RGS6: variants seen among roughly 807,000 people sequenced by gnomAD.
RGS6 encodes regulator of G protein signaling 6, also known as regulator of G-protein signaling 6.
Under a neutral mutation model 78.5 loss-of-function variants are expected in RGS6, and 30 were observed. The ratio of observed to expected loss-of-function variants is 0.38; its 90% CI spans 0.29 to 0.52. RGS6 has a LOEUF of 0.52. Ranked by LOEUF, RGS6 falls within the 20% of genes least tolerant of loss-of-function variation. The pLI, the probability that RGS6 is intolerant of heterozygous loss-of-function variation, is 0.85. For synonymous variants in RGS6, 206 were observed against 206.0 expected, an observed-to-expected ratio of 1.00 and a Z score of 0.00; for missense variants, 495 against 609.7, an observed-to-expected ratio of 0.81 and a Z score of 1.98.
the RGS6 span, among the ~76,000 whole-genome samples, chr14:72,619,537 C>T: frequency 1.7e-4 from 26 of 152,204 alleles, no homozygotes; most frequent in Non-Finnish European, 3.2e-4. Context: ...AAAGCAGGTG[C>T]TCAGAGGAGA....
intron 2 of RGS6, among the ~76,000 whole-genome samples, chr14:72,083,746 A>C (rs573545037): frequency 2.6e-5 from 4 of 152,168 alleles, no homozygotes; most frequent in Non-Finnish European, 5.9e-5. Flanking sequence ...AATTCTAATG[A>C]ATTTGAGAAG....
chr14:72,197,739 G>A (rs977348022), intron 2 of RGS6, among the ~76,000 whole-genome samples: 2 of 152,014 alleles, frequency 1.3e-5, no homozygotes, highest in African/African-American at 4.8e-5. Flanking sequence ...GAGGTCAGCT[G>A]GTGTCCCCCT....
chr14:72,044,928 C>T (rs947139408), intron 2 of RGS6, among the ~76,000 whole-genome samples: 1 of 152,190 alleles, frequency 6.6e-6, no homozygotes, highest in Non-Finnish European at 1.5e-5. Context: ...AGGTTCTCCA[C>T]CCTAGGGATT....
At chr14:72,186,212 C>T (rs2238251) in intron 2 of RGS6, among the ~76,000 whole-genome samples, 19,792 of 152,204 alleles carry the variant, frequency 0.13, 1,521 homozygotes, top group South Asian at 0.2. Context: ...TTCTCTCTCA[C>T]TAAACTGAGT....
intron 2 of RGS6, among the ~76,000 whole-genome samples, chr14:72,093,033 AGTGTGT>A (rs10567555): frequency 1.2e-3 from 178 of 149,504 alleles, no homozygotes; most frequent in Middle Eastern, 6.9e-3. Context: ...ACATACCAAA[AGTGTGT>A]GTGTGTGTGT....
intron 2 of RGS6, among the ~76,000 whole-genome samples, chr14:71,993,661 C>T (rs1161756665): frequency 6.6e-6 from 1 of 152,118 alleles, no homozygotes; most frequent in Non-Finnish European, 1.5e-5. Flanking sequence ...GTGAGTCTTA[C>T]AGGTTTATTA....
chr14:71,994,136 A>G (rs1454842390), intron 2 of RGS6, among the ~76,000 whole-genome samples: 1 of 152,050 alleles, frequency 6.6e-6, no homozygotes, highest in Admixed American at 6.6e-5. Flanking sequence ...CCTGATCCAA[A>G]CACAGTTTGT....
chr14:72,607,728 A>G, the RGS6 span, among the ~76,000 whole-genome samples: 4 of 152,180 alleles, frequency 2.6e-5, no homozygotes, highest in African/African-American at 4.8e-5. Flanking sequence ...TTAGCAGTTC[A>G]GCATTGCAGG....
chr14:72,068,137 AT>A (rs10691175), intron 2 of RGS6, among the ~76,000 whole-genome samples: 5,369 of 145,506 alleles, frequency 0.037, 114 homozygotes, highest in South Asian at 0.08. Context: ...GTATGTATGT[AT>A]TTTTTTTTTT....
At chr14:72,005,201 A>G (rs771247403) in intron 2 of RGS6, among the ~76,000 whole-genome samples, 2 of 152,204 alleles carry the variant, frequency 1.3e-5, no homozygotes, top group Non-Finnish European at 2.9e-5. Context: ...TTTTTGCATT[A>G]AAACATTTGC....
At chr14:72,342,566 A>AAC (rs386381734) in intron 2 of RGS6, among the ~76,000 whole-genome samples, 1 of 40,244 alleles carries the variant, frequency 2.5e-5, no homozygotes. Flanking sequence ...ACTCTGTCTT[A>AAC]AAAAAAAAAA....
chr14:72,385,472 T>G (rs1004045056), intron 3 of RGS6, among the ~76,000 whole-genome samples: 2 of 152,180 alleles, frequency 1.3e-5, no homozygotes, highest in African/African-American at 4.8e-5. Flanking sequence ...GAGAAAGAAA[T>G]ATCAGGCAAT....
chr14:72,249,660 C>A (rs896084324), intron 2 of RGS6, among the ~76,000 whole-genome samples: 1 of 152,056 alleles, frequency 6.6e-6, no homozygotes, highest in African/African-American at 2.4e-5. Flanking sequence ...GATCAATTTG[C>A]AATTGTATTT....
intron 17 of RGS6, chr14:72,550,725 G>A: frequency 8.3e-7 from 1 of 1,208,732 alleles, no homozygotes; most frequent in Non-Finnish European, 1.1e-6. Flanking sequence ...CCTGATGGAG[G>A]TTTTACACCT....
At chr14:72,113,740 G>A (rs2095825148) in intron 2 of RGS6, among the ~76,000 whole-genome samples, 1 of 152,166 alleles carries the variant, frequency 6.6e-6, no homozygotes, top group South Asian at 2.1e-4. Context: ...GGGGATAGAT[G>A]GTGCATGTCC....
chr14:72,278,113 G>C (rs974500924), intron 2 of RGS6, among the ~76,000 whole-genome samples: 5 of 152,104 alleles, frequency 3.3e-5, no homozygotes, highest in South Asian at 2.1e-4. Flanking sequence ...AGGTACAAGT[G>C]GGGGCCAGAG....
intron 2 of RGS6, among the ~76,000 whole-genome samples, chr14:72,216,391 A>G (rs1438167625): frequency 1.3e-5 from 2 of 152,180 alleles, no homozygotes. Flanking sequence ...CATTTATCCT[A>G]GCTCCAATTA....
At chr14:72,042,651 T>G (rs887118727) in intron 2 of RGS6, among the ~76,000 whole-genome samples, 4 of 152,184 alleles carry the variant, frequency 2.6e-5, no homozygotes, top group Non-Finnish European at 5.9e-5. Flanking sequence ...AATAAACTTT[T>G]TTTTTCATGT....
chr14:72,532,779 A>G (rs2097198929), intron 15 of RGS6, among the ~76,000 whole-genome samples: 1 of 152,262 alleles, frequency 6.6e-6, no homozygotes, highest in Non-Finnish European at 1.5e-5. Flanking sequence ...GCAAGGACCT[A>G]CCTTGCTTCA....
Sources: allele counts gnomAD v4.1 joint callset (sites outside exome capture counted in the v4.1 genomes callset), GRCh38; gene constraint gnomAD v4.1.1; transcripts MANE v1.5; gene names NCBI Gene and HGNC (gene_info 2026-07-23, HGNC 2026-07-21).